Variants in CSMD1 observed in about 807,000 individuals in gnomAD.
The protein encoded by CSMD1 is CUB and sushi domain-containing protein 1.
CSMD1 carries 213 observed loss-of-function variants against 417.5 expected under a neutral mutation model. That is an observed-to-expected ratio of 0.51 (90% confidence interval 0.46 to 0.57). The LOEUF (loss-of-function observed/expected upper bound fraction) is 0.57. Ranked by LOEUF, CSMD1 falls within the 20% of genes least tolerant of loss-of-function variation. CSMD1 has a pLI of 0.00. For missense variants in CSMD1, 6,923 were observed against 4,529.7 expected (o/e 1.53, Z -15.17); for synonymous variants, 2,862 against 1,736.8 (o/e 1.65, Z -16.11).
intron 3 of CSMD1, among the ~76,000 whole-genome samples, chr8:4,254,105 G>A (rs1188637710): frequency 6.6e-6 from 1 of 151,728 alleles, no homozygotes; most frequent in African/African-American, 2.4e-5. Context: ...TTTTAGTAGA[G>A]ACAGGGTTTC....
At chr8:4,300,859 T>C (rs983320027) in intron 3 of CSMD1, among the ~76,000 whole-genome samples, 2 of 152,218 alleles carry the variant, frequency 1.3e-5, no homozygotes, top group African/African-American at 2.4e-5. Context: ...ACAAAGGACA[T>C]GAACTCATCA....
chr8:3,808,958 G>A (rs902935612), intron 5 of CSMD1, among the ~76,000 whole-genome samples: 1 of 152,168 alleles, frequency 6.6e-6, no homozygotes, highest in Non-Finnish European at 1.5e-5. Context: ...TCGTTTGCAA[G>A]AAGAGCCAAG....
At chr8:3,970,276 G>C (rs975143273) in intron 5 of CSMD1, among the ~76,000 whole-genome samples, 11 of 152,310 alleles carry the variant, frequency 7.2e-5, no homozygotes, top group African/African-American at 2.6e-4. Context: ...TATGTCCGAA[G>C]CCTTTGAAAC....
chr8:4,793,504 C>A (rs1383926275), intron 1 of CSMD1, among the ~76,000 whole-genome samples: 2 of 151,964 alleles, frequency 1.3e-5, no homozygotes, highest in Non-Finnish European at 2.9e-5. Context: ...TCCCTGGTTC[C>A]CAGACACCTA....
At chr8:4,043,001 T>C (rs935554197) in intron 3 of CSMD1, among the ~76,000 whole-genome samples, 2 of 151,466 alleles carry the variant, frequency 1.3e-5, no homozygotes, top group Admixed American at 6.6e-5. Context: ...GTGTGGTGAC[T>C]TGCACCTGTA....
chr8:4,220,680 G>C (rs751513528), intron 3 of CSMD1, among the ~76,000 whole-genome samples: 60 of 152,316 alleles, frequency 3.9e-4, no homozygotes, highest in African/African-American at 1.4e-3. Context: ...AAGAAGGAAA[G>C]GGAAGATCAA....
At chr8:3,684,227 T>C (rs1180917999) in intron 7 of CSMD1, among the ~76,000 whole-genome samples, 1 of 143,682 alleles carries the variant, frequency 7.0e-6, no homozygotes, top group Non-Finnish European at 1.5e-5. Context: ...TATAACATAA[T>C]ATATAATATA....
At chr8:4,382,732 C>A (rs971294199) in intron 3 of CSMD1, among the ~76,000 whole-genome samples, 1 of 151,584 alleles carries the variant, frequency 6.6e-6, no homozygotes, top group African/African-American at 2.4e-5. Context: ...TAACGCTTTG[C>A]ATTGTTAGGT....
chr8:3,802,564 A>G (rs958431918), intron 5 of CSMD1, among the ~76,000 whole-genome samples: 3 of 152,318 alleles, frequency 2.0e-5, no homozygotes, highest in East Asian at 3.9e-4. Flanking sequence ...CTACTTAGTT[A>G]AGGGGAGAAA....
intron 3 of CSMD1, among the ~76,000 whole-genome samples, chr8:4,360,349 G>A (rs969584796): frequency 2.0e-5 from 3 of 152,160 alleles, no homozygotes; most frequent in African/African-American, 7.2e-5. Context: ...TCTGTTGCAT[G>A]ATTAACACAT....
chr8:3,545,755 T>A (rs1313848812), intron 10 of CSMD1, among the ~76,000 whole-genome samples: 1 of 152,206 alleles, frequency 6.6e-6, no homozygotes, highest in Non-Finnish European at 1.5e-5. Context: ...GCTACTGGAA[T>A]CTCAAATACA....
intron 26 of CSMD1, among the ~76,000 whole-genome samples, chr8:3,241,122 A>G (rs1009858316): frequency 1.3e-5 from 2 of 151,618 alleles, no homozygotes; most frequent in Non-Finnish European, 2.9e-5. Context: ...GAAGGGCGGC[A>G]ATGAGATGTA....
intron 3 of CSMD1, among the ~76,000 whole-genome samples, chr8:4,377,033 C>T (rs986100218): frequency 2.0e-5 from 3 of 152,164 alleles, no homozygotes; most frequent in Non-Finnish European, 2.9e-5. Flanking sequence ...GGGATGGCCT[C>T]GTCGGTTTCA....
intron 7 of CSMD1, among the ~76,000 whole-genome samples, chr8:3,646,317 A>T (rs892402536): frequency 1.3e-5 from 2 of 152,190 alleles, no homozygotes; most frequent in African/African-American, 2.4e-5. Flanking sequence ...ATATACTAAA[A>T]TATAGAAGAT....
chr8:3,136,396 T>C (rs1175032204), intron 41 of CSMD1, among the ~76,000 whole-genome samples: 1 of 151,804 alleles, frequency 6.6e-6, no homozygotes, highest in African/African-American at 2.4e-5. Flanking sequence ...TCCTGAGAAG[T>C]TGGGATCACA....
chr8:3,883,737 A>T (rs1030202795), intron 5 of CSMD1, among the ~76,000 whole-genome samples: 2 of 152,134 alleles, frequency 1.3e-5, no homozygotes, highest in Admixed American at 6.6e-5. Context: ...TGATTCATTG[A>T]AACAACTGAA....
chr8:4,866,583 T>A (rs1046813101), intron 1 of CSMD1, among the ~76,000 whole-genome samples: 1 of 151,938 alleles, frequency 6.6e-6, no homozygotes, highest in Non-Finnish European at 1.5e-5. Flanking sequence ...CTCAGCTCTT[T>A]CCCCAATGAC....
chr8:4,420,780 G>A (rs970213374), intron 2 of CSMD1, among the ~76,000 whole-genome samples: 1 of 152,080 alleles, frequency 6.6e-6, no homozygotes, highest in Non-Finnish European at 1.5e-5. Flanking sequence ...ATCCACAATA[G>A]GACTCCCAAC....
In CSMD1 at chr8:3,981,001, G is replaced by C. The variant is rs564472807; in HGVS notation, c.818+16902C>G. Among the ~76,000 whole-genome samples, 340 of 152,296 alleles carry C rather than the reference G, an allele frequency of 2.2e-3. 2 individuals are homozygous for C. Among genetic ancestry groups the C allele is most frequent in the African/African-American group, 7.0e-3 (291 of 41,562 alleles). On this transcript the variant is annotated intron_variant, in intron 5 of 69. Coordinates refer to ENST00000635120, the MANE Select transcript of CSMD1 (RefSeq NM_033225.6). Reference sequence around the variant, plus strand: ...TTCCCCACCTTTGTACCCACACCCAGAGGTTCTTCAAGGTTCAACTATCCT... The same window carrying C: ...TTCCCCACCTTTGTACCCACACCCACAGGTTCTTCAAGGTTCAACTATCCT...
Sources: allele counts gnomAD v4.1 joint callset (sites outside exome capture counted in the v4.1 genomes callset), GRCh38; gene constraint gnomAD v4.1.1; transcripts MANE v1.5; gene names NCBI Gene and HGNC (gene_info 2026-07-23, HGNC 2026-07-21).